Variants in SOBP observed in about 807,000 individuals in gnomAD.
SOBP encodes sine oculis binding protein homolog.
In SOBP, 4 loss-of-function variants were observed where a neutral mutation model predicts 53.6. The ratio of observed to expected loss-of-function variants is 0.07; its 90% CI spans 0.04 to 0.17. The LOEUF (loss-of-function observed/expected upper bound fraction) is 0.17, where lower values mean the gene tolerates loss of function less well. SOBP is among the 10% of genes least tolerant of loss of function. SOBP has a pLI of 1.00. For missense variants in SOBP, 1,088 were observed against 1,204.7 expected (o/e 0.90, Z 1.43); for synonymous variants, 584 against 522.6 (o/e 1.12, Z -1.60).
chr6:107,635,051 A>G lies in SOBP; in HGVS notation c.2207A>G (p.Lys736Arg). 1 of 1,477,006 alleles carries G rather than the reference A, an allele frequency of 6.8e-7. No individual in the cohort carries two copies. The highest frequency in any genetic ancestry group is 9.0e-7 in the Non-Finnish European group (1 of 1,112,706). The allele number at this position is 1,477,006 out of a possible 1,614,324, so 91.5% of individuals were successfully genotyped here. A position where few individuals can be genotyped will look rare whatever the true frequency, so the allele number is the denominator to read the frequency against. ...GTRGAAAEGAKSAEPPPEQPP... is the reference protein window; with the variant it reads ...GTRGAAAEGARSAEPPPEQPP... ...CGCGGCGCCGCCGCCGAGGGCGCTA[A>G]GAGCGCGGAGCCGCCTCCCGAGCAG... The change falls in exon 6 of 7, where the codon AAG (lysine) becomes AGG (arginine). Residue 736 changes from lysine (K) to arginine (R), a missense_variant. By Grantham distance (26) the Lys-to-Arg change is conservative. Coordinates refer to ENST00000317357, the MANE Select transcript of SOBP (RefSeq NM_018013.4). The surrounding 1 kb of genome is among the most constrained non-coding windows in gnomAD (Gnocchi z 4.5).
At chr6:107,602,846 CA>C (rs2115086741) in intron 5 of SOBP, among the ~76,000 whole-genome samples, 1 of 152,232 alleles carries the variant, frequency 6.6e-6, no homozygotes, top group African/African-American at 2.4e-5. Flanking sequence ...ACTCAAAACT[CA>C]AGAAGCAATC....
chr6:107,561,868 C>T (rs77844302), intron 4 of SOBP, among the ~76,000 whole-genome samples: 4,320 of 152,074 alleles, frequency 0.028, 208 homozygotes, highest in African/African-American at 0.099. Flanking sequence ...GGAGTAAGAA[C>T]GACAGAAAGA....
At chr6:107,631,993 C>T (rs1240472222) in intron 5 of SOBP, among the ~76,000 whole-genome samples, 1 of 152,216 alleles carries the variant, frequency 6.6e-6, no homozygotes, top group East Asian at 1.9e-4. Flanking sequence ...AGCATGCCAC[C>T]ACTGTTTACA....
chr6:107,564,049 A>G (rs1784847588), intron 4 of SOBP, among the ~76,000 whole-genome samples: 1 of 152,196 alleles, frequency 6.6e-6, no homozygotes, highest in South Asian at 2.1e-4. Context: ...AGATTCTATG[A>G]TTATATAAGA....
rs1171807050 is a variant in SOBP at position 107,577,232 on chromosome 6, T to G, written c.574-9848T>G. Among the ~76,000 whole-genome samples, 3 of 152,372 alleles carry G rather than the reference T, an allele frequency of 2.0e-5. No homozygotes were observed. In the East Asian group the frequency reaches 5.8e-4, roughly 29 times the overall value. Reference sequence around the variant, plus strand: ...GATCAAGCTAACTCACTCAGGGCAGTGACCTAAGCTCTTGCTTTGTGCTCC... The same window carrying G: ...GATCAAGCTAACTCACTCAGGGCAGGGACCTAAGCTCTTGCTTTGTGCTCC... On this transcript the variant is annotated intron_variant, in intron 4 of 6. Transcript: ENST00000317357.
chr6:107,643,014 G>A (rs1161233012), intron 6 of SOBP, among the ~76,000 whole-genome samples: 1 of 152,214 alleles, frequency 6.6e-6, no homozygotes, highest in Admixed American at 6.5e-5. Flanking sequence ...AGTTCTGCAA[G>A]TGTTTCTAAA....
At chr6:107,540,241 C>T (rs1784112932) in intron 4 of SOBP, among the ~76,000 whole-genome samples, 2 of 152,190 alleles carry the variant, frequency 1.3e-5, no homozygotes, top group Non-Finnish European at 2.9e-5. Context: ...TATAGGCATG[C>T]CTGTGATTAT....
At chr6:107,624,150 G>A (rs1379814143) in intron 5 of SOBP, among the ~76,000 whole-genome samples, 1 of 152,204 alleles carries the variant, frequency 6.6e-6, no homozygotes, top group African/African-American at 2.4e-5. Context: ...CTAACAGTGG[G>A]ACTTGACTGC....
rs1770921857 is a variant in SOBP, at chr6:107,634,730, G to A, written c.1886G>A (p.Ser629Asn). 5 of 1,321,950 alleles carry A rather than the reference G, an allele frequency of 3.8e-6. No individual in the cohort carries two copies. The highest frequency in any genetic ancestry group is 2.1e-5 in the South Asian group (1 of 47,788). 81.9% of individuals were successfully genotyped at this position (1,321,950 alleles called of 1,614,324 possible). Residue 629 changes from serine to asparagine, a missense_variant, in exon 6 of 7, where the codon AGC (serine) becomes AAC (asparagine). Transcript: ENST00000317357. This position sits in a 1 kb window ranked among gnomAD's most constrained non-coding sequence, Gnocchi z 4.5. ...GTGGACCTGACGCGGCGCGCCGGCAGCCCCCCGGGCCCCCCGGGCGCGGGC... is the reference window on the plus strand; with the variant it reads ...GTGGACCTGACGCGGCGCGCCGGCAACCCCCCGGGCCCCCCGGGCGCGGGC... ...EVVDLTRRAG[S>N]PPGPPGAGGQ...
intron 5 of SOBP, among the ~76,000 whole-genome samples, chr6:107,592,207 A>G (rs916013075): frequency 2.6e-5 from 4 of 152,172 alleles, no homozygotes; most frequent in Non-Finnish European, 5.9e-5. Flanking sequence ...TCACAGTGCC[A>G]GTGATGACTT....
At chr6:107,528,485 C>T (rs1335289800) in intron 3 of SOBP, among the ~76,000 whole-genome samples, 2 of 152,162 alleles carry the variant, frequency 1.3e-5, no homozygotes, top group Non-Finnish European at 2.9e-5. Context: ...CCTGTCTTAT[C>T]ATTTAATGTT....
intron 6 of SOBP, among the ~76,000 whole-genome samples, chr6:107,642,800 T>TA (rs1771387498): frequency 6.6e-6 from 1 of 152,228 alleles, no homozygotes; most frequent in Admixed American, 6.5e-5. Context: ...TGATAGTATT[T>TA]AAAGAACAAA....
In SOBP at chr6:107,493,831, T is replaced by C. The variant is rs148393572; in HGVS notation, c.96+3119T>C. On this transcript the variant is annotated intron_variant, in intron 1 of 6. Transcript: ENST00000317357. ...GGTTTAGCTGACACCAGTAATGGCATTGAAGAGTGTCTTCATGTGGCTGAG... is the reference window on the plus strand; with the variant it reads ...GGTTTAGCTGACACCAGTAATGGCACTGAAGAGTGTCTTCATGTGGCTGAG... 8.3e-4 allele frequency among the ~76,000 whole-genome samples: 126 copies of C among 152,360 alleles called. 1 individual carries two copies. In the Middle Eastern group the frequency reaches 0.01, roughly 12 times the overall value.
chr6:107,491,368 C>G (rs1025106665), intron 1 of SOBP, among the ~76,000 whole-genome samples: 1 of 152,236 alleles, frequency 6.6e-6, no homozygotes, highest in African/African-American at 2.4e-5. Context: ...CCCCGGCCAG[C>G]CCCGCTGGAG....
At chr6:107,586,041 C>T (rs1785555997) in intron 4 of SOBP, among the ~76,000 whole-genome samples, 1 of 152,222 alleles carries the variant, frequency 6.6e-6, no homozygotes, top group African/African-American at 2.4e-5. Flanking sequence ...AGACAGCAGA[C>T]AGAACTACCT....
intron 3 of SOBP, among the ~76,000 whole-genome samples, chr6:107,522,915 G>A (rs1377091388): frequency 6.6e-6 from 1 of 152,058 alleles, no homozygotes; most frequent in Non-Finnish European, 1.5e-5. Flanking sequence ...GTGAGAGGGA[G>A]AGAAGAGGCA....
chr6:107,536,828 C>G (rs954431763), intron 4 of SOBP, among the ~76,000 whole-genome samples: 1 of 152,148 alleles, frequency 6.6e-6, no homozygotes, highest in African/African-American at 2.4e-5. Flanking sequence ...AATGTTGGCT[C>G]TAGGAAGTGG....
intron 3 of SOBP, among the ~76,000 whole-genome samples, chr6:107,516,866 A>G (rs1583164078): frequency 6.6e-6 from 1 of 152,320 alleles, no homozygotes; most frequent in East Asian, 1.9e-4. Context: ...GAAATTAAAG[A>G]AGACCTAAAT....
chr6:107,538,895 G>C (rs2114995133), intron 4 of SOBP, among the ~76,000 whole-genome samples: 1 of 152,318 alleles, frequency 6.6e-6, no homozygotes, highest in African/African-American at 2.4e-5. Flanking sequence ...AAACACATTT[G>C]GGAGTAGGGT....
Sources: gnomAD v4.1 joint callset for allele counts (sites outside exome capture counted in the v4.1 genomes callset) on GRCh38, gnomAD v4.1.1 for gene constraint, Gnocchi (gnomAD v3.1) non-coding constraint, MANE v1.5 for transcripts, NCBI Gene and HGNC (gene_info 2026-07-23, HGNC 2026-07-21) for gene names.